The following INSR variants were observed in gnomAD, a reference collection of about 807,000 sequenced individuals.
INSR encodes the protein IR.
A neutral mutation model predicts 142.6 loss-of-function variants in INSR; 67 were observed. That is an observed-to-expected ratio of 0.47 (90% CI 0.39 to 0.58). The LOEUF (loss-of-function observed/expected upper bound fraction) is 0.58. Ranked by LOEUF, INSR falls within the 20% of genes least tolerant of loss-of-function variation. INSR has a pLI of 0.00. For synonymous variants in INSR, 756 were observed against 743.1 expected (o/e 1.02, Z -0.28); for missense variants, 1,248 against 1,833.2 (o/e 0.68, Z 5.83).
chr19:7,249,808 G>T (rs12459862), intron 2 of INSR, among the ~76,000 whole-genome samples: 3,600 of 151,964 alleles, frequency 0.024, 127 homozygotes, highest in Admixed American at 0.1. Context: ...CTGGCTAACA[G>T]GGTGAAACCC....
At chr19:7,180,929 G>A (rs1244247428) in intron 3 of INSR, among the ~76,000 whole-genome samples, 1 of 151,984 alleles carries the variant, frequency 6.6e-6, no homozygotes, top group Non-Finnish European at 1.5e-5. Context: ...CATGGCATAT[G>A]ATCAGATGAC....
Position 7,126,619 on chromosome 19 carries a change from G to T in INSR, c.2978C>A (p.Ala993Asp). Residue 993 changes from alanine (A) to aspartate (D), a missense_variant, in exon 16 of 22, where the codon GCT becomes GAT. By Grantham distance (126) the Ala-to-Asp change is moderately radical. This residue lies in a region of INSR where 1,069 missense variants were observed against 1,654.0 expected (regional missense o/e 0.65). Transcript: ENST00000302850. Reference sequence around the variant, plus strand: ...ACTGAGATACTCAGGGTTTGAAGAAGCGTAAAGCGGTCCCAGCGGCCCATC... The same window carrying T: ...ACTGAGATACTCAGGGTTTGAAGAATCGTAAAGCGGTCCCAGCGGCCCATC... ...QPDGPLGPLY[A>D]SSNPEYLSAS... The T allele has an allele frequency of 6.4e-7, 1 of 1,565,720 alleles. No individual in the cohort carries two copies. Among genetic ancestry groups the T allele is most frequent in the South Asian group, 1.2e-5 (1 of 85,200 alleles).
chr19:7,190,661 C>T (rs986043401), intron 2 of INSR, among the ~76,000 whole-genome samples: 13 of 152,082 alleles, frequency 8.5e-5, no homozygotes, highest in Admixed American at 1.3e-4. Flanking sequence ...TGAGCCACCG[C>T]GCCCAACCAA....
At chr19:7,121,620 C>T (rs1340898951) in intron 19 of INSR, among the ~76,000 whole-genome samples, 1 of 152,084 alleles carries the variant, frequency 6.6e-6, no homozygotes, top group East Asian at 1.9e-4. Flanking sequence ...GTGTGCACCA[C>T]CACACCCCAC....
In INSR at chr19:7,112,370, T is replaced by C. The variant is rs191899304; in HGVS notation, c.*4686A>G. On this transcript the variant is annotated 3_prime_UTR_variant, in exon 22 of 22. Transcript: ENST00000302850. ...AGGCGTCTTCTGTACATGGTGCTAC[T>C]TGGCTCTTGTAGGAAAACATTGAAA... 199 of 152,346 alleles carry C rather than the reference T, an allele frequency of 1.3e-3. 2 individuals carry two copies. The highest frequency in any genetic ancestry group is 4.6e-3 in the African/African-American group (192 of 41,584). The allele number at this position is 152,346 out of a possible 1,614,324, so 9.4% of individuals were successfully genotyped here. A position where few individuals can be genotyped will look rare whatever the true frequency, so the allele number is the denominator to read the frequency against.
intron 21 of INSR, among the ~76,000 whole-genome samples, chr19:7,118,723 G>A (rs528600009): frequency 2.8e-4 from 41 of 148,760 alleles, no homozygotes; most frequent in African/African-American, 9.7e-4. Flanking sequence ...TCGAGACCAC[G>A]GTGAAACCCC....
chr19:7,255,384 C>G (rs188811807), intron 2 of INSR, among the ~76,000 whole-genome samples: 20 of 152,158 alleles, frequency 1.3e-4, no homozygotes. Context: ...GGACCCTGCA[C>G]TGGTCCAAGC....
chr19:7,207,633 A>G (rs1316405257), intron 2 of INSR, among the ~76,000 whole-genome samples: 1 of 151,572 alleles, frequency 6.6e-6, no homozygotes, highest in Non-Finnish European at 1.5e-5. Flanking sequence ...GGCTAAAGAA[A>G]GGAGAATGGG....
At chr19:7,230,471 A>G (rs961089650) in intron 2 of INSR, among the ~76,000 whole-genome samples, 6 of 152,144 alleles carry the variant, frequency 3.9e-5, no homozygotes, top group Non-Finnish European at 5.9e-5. Context: ...AGGATAAACC[A>G]CACCAAGTGT....
At chr19:7,193,911 AGGCT>A (rs1358145758) in intron 2 of INSR, among the ~76,000 whole-genome samples, 2 of 152,202 alleles carry the variant, frequency 1.3e-5, no homozygotes, top group Non-Finnish European at 2.9e-5. Context: ...AATATTGCCC[AGGCT>A]GGTCTTGAAC....
At chr19:7,250,151 C>T (rs1462380187) in intron 2 of INSR, among the ~76,000 whole-genome samples, 5 of 148,898 alleles carry the variant, frequency 3.4e-5, no homozygotes, top group Non-Finnish European at 6.0e-5. Context: ...AGAGCAAGAC[C>T]CTGTCGAAAG....
At chr19:7,257,979 C>T (rs12978472) in intron 2 of INSR, among the ~76,000 whole-genome samples, 4 of 152,268 alleles carry the variant, frequency 2.6e-5, no homozygotes, top group Admixed American at 6.5e-5. Context: ...CCCGCCACCA[C>T]GCTCAGCTAA....
rs1435842308 is a variant in INSR at position 7,195,878 on chromosome 19, T to C, written c.653-11241A>G. Among the ~76,000 whole-genome samples, 3 of 151,794 alleles carry C rather than the reference T, an allele frequency of 2.0e-5. No homozygotes were observed. The East Asian group carries it at 5.8e-4, about 29-fold the overall frequency. On this transcript the variant is annotated intron_variant, in intron 2 of 21. Transcript: ENST00000302850. ...TGTATCAATGTTAATTTCCTGATTT[T>C]GACAACGGCACCAGTACCATCATTA...
chr19:7,259,056 C>T (rs1390919564), intron 2 of INSR, among the ~76,000 whole-genome samples: 1 of 140,974 alleles, frequency 7.1e-6, no homozygotes, highest in Non-Finnish European at 1.6e-5. Flanking sequence ...TTTCTTTCTT[C>T]CTTCCTTTCT....
intron 2 of INSR, among the ~76,000 whole-genome samples, chr19:7,204,131 C>T (rs918175811): frequency 1.3e-5 from 2 of 152,064 alleles, no homozygotes; most frequent in Non-Finnish European, 2.9e-5. Context: ...CAATCTCTGC[C>T]TCCCGGGTTC....
At chr19:7,249,873 T>C (rs561813085) in intron 2 of INSR, among the ~76,000 whole-genome samples, 1 of 151,904 alleles carries the variant, frequency 6.6e-6, no homozygotes, top group Non-Finnish European at 1.5e-5. Flanking sequence ...GTGCCTGTAG[T>C]CCCAGCTACT....
chr19:7,242,937 A>G (rs59011698), intron 2 of INSR, among the ~76,000 whole-genome samples: 42,019 of 151,832 alleles, frequency 0.28, 7,382 homozygotes, highest in African/African-American at 0.5. Context: ...CTGCTAAAGC[A>G]GAGAAAAATG....
At chr19:7,134,068 A>G (rs998145832) in intron 13 of INSR, among the ~76,000 whole-genome samples, 27 of 151,632 alleles carry the variant, frequency 1.8e-4, no homozygotes, top group Non-Finnish European at 1.0e-4. Flanking sequence ...CTCTACAGCT[A>G]CTTGGGAGGC....
chr19:7,286,996 G>T (rs1442575767), intron 1 of INSR, among the ~76,000 whole-genome samples: 1 of 151,660 alleles, frequency 6.6e-6, no homozygotes, highest in Non-Finnish European at 1.5e-5. Context: ...ACAGACACAT[G>T]CCACCATGCC....
Sources: gnomAD v4.1 joint callset for allele counts (sites outside exome capture counted in the v4.1 genomes callset) on GRCh38, gnomAD v4.1.1 for gene constraint, gnomAD v4.1.1 regional missense constraint, MANE v1.5 for transcripts, NCBI Gene and HGNC (gene_info 2026-07-23, HGNC 2026-07-21) for gene names.